FOXN3: variants seen among roughly 807,000 people sequenced by gnomAD.
FOXN3 encodes forkhead box N3.
A neutral mutation model predicts 38.4 loss-of-function variants in FOXN3; 7 were observed. The ratio of observed to expected loss-of-function variants is 0.18; its 90% CI spans 0.10 to 0.34. FOXN3 has a LOEUF of 0.34. FOXN3 is among the 10% of genes least tolerant of loss of function. The probability of loss-of-function intolerance (pLI) is 1.00; values close to 1 mark genes in which losing one functional copy is unlikely to be tolerated. For missense variants in FOXN3, 456 were observed against 613.4 expected (o/e 0.74, Z 2.71); for synonymous variants, 230 against 242.2 (o/e 0.95, Z 0.47).
At chr14:89,523,326 T>C (rs868742790) in intron 1 of FOXN3, among the ~76,000 whole-genome samples, 2 of 152,188 alleles carry the variant, frequency 1.3e-5, no homozygotes, top group African/African-American at 4.8e-5. Context: ...AGTAAGGATA[T>C]AGAAGACTTG....
rs183952228 is a variant in FOXN3, at chr14:89,552,350, A to G, written c.-15+66678T>C. 2.4e-4 allele frequency among the ~76,000 whole-genome samples: 37 copies of G among 152,364 alleles called. 1 individual carries two copies. The highest frequency in any genetic ancestry group is 2.4e-3 in the Admixed American group (37 of 15,298). On this transcript the variant is annotated intron_variant, in intron 1 of 6. Transcript: ENST00000345097. ...TGCAGTTCACATATGTGTCACCGTC[A>G]CGTGTATTATCTCTGACTTATACAT...
chr14:89,266,819 T>C (rs572008991), intron 4 of FOXN3, among the ~76,000 whole-genome samples: 142 of 152,302 alleles, frequency 9.3e-4, no homozygotes, highest in African/African-American at 3.2e-3. Context: ...TATGGTCAAC[T>C]GTGCACTTCT....
At chr14:89,533,628 C>T (rs1894620943) in intron 1 of FOXN3, among the ~76,000 whole-genome samples, 1 of 132,526 alleles carries the variant, frequency 7.5e-6, no homozygotes, top group Non-Finnish European at 1.5e-5. Flanking sequence ...CACCACTGCA[C>T]TCCAGCCTGG....
rs962084458 is a variant in FOXN3 at position 89,156,584 on chromosome 14, A to G, written c.*5830T>C. On this transcript the variant is annotated 3_prime_UTR_variant, in exon 6 of 6. Transcript: ENST00000557258. Reference sequence around the variant, plus strand: ...AGGTCTATTGGCCAGCCAAGGTCAGACGACCCTAAGCATCAATAGTAAACC... The same window carrying G: ...AGGTCTATTGGCCAGCCAAGGTCAGGCGACCCTAAGCATCAATAGTAAACC... 1.3e-5 allele frequency: 2 copies of G among 152,220 alleles called. No individual in the cohort carries two copies. The highest frequency in any genetic ancestry group is 2.4e-5 in the African/African-American group (1 of 41,436). The allele number at this position is 152,220 out of a possible 1,614,324, so 9.4% of individuals were successfully genotyped here.
intron 1 of FOXN3, among the ~76,000 whole-genome samples, chr14:89,514,107 T>C (rs1894155668): frequency 6.6e-6 from 1 of 151,836 alleles, no homozygotes; most frequent in African/African-American, 2.4e-5. Flanking sequence ...AAAGACAAGA[T>C]AATAAGGGGA....
At chr14:89,337,076 A>G (rs1294520546) in intron 3 of FOXN3, among the ~76,000 whole-genome samples, 2 of 152,172 alleles carry the variant, frequency 1.3e-5, no homozygotes, top group Admixed American at 1.3e-4. Context: ...GAGGTGCCCA[A>G]GAGAGGGGTC....
At chr14:89,511,165 CTTT>C (rs375568710) in intron 1 of FOXN3, among the ~76,000 whole-genome samples, 412 of 23,042 alleles carry the variant, frequency 0.018, 46 homozygotes, top group Non-Finnish European at 0.079. Flanking sequence ...TTCTTTCTTT[CTTT>C]CTTTCTTTCT....
At chr14:89,269,421 G>A (rs1373694600) in intron 4 of FOXN3, among the ~76,000 whole-genome samples, 1 of 151,956 alleles carries the variant, frequency 6.6e-6, no homozygotes, top group Non-Finnish European at 1.5e-5. Context: ...TGAAACCAAG[G>A]GGTTAATTTG....
At chr14:89,487,762 A>G (rs2139769391) in intron 1 of FOXN3, among the ~76,000 whole-genome samples, 1 of 152,266 alleles carries the variant, frequency 6.6e-6, no homozygotes, top group South Asian at 2.1e-4. Context: ...AAGCAACTCA[A>G]ATACTGGCAG....
intron 1 of FOXN3, among the ~76,000 whole-genome samples, chr14:89,551,241 A>C (rs1019807815): frequency 6.6e-6 from 1 of 152,180 alleles, no homozygotes; most frequent in African/African-American, 2.4e-5. Flanking sequence ...CATCCTTTAC[A>C]CGGGGCACCC....
intron 2 of FOXN3, among the ~76,000 whole-genome samples, chr14:89,375,502 T>C (rs1383088593): frequency 2.0e-5 from 3 of 152,192 alleles, no homozygotes; most frequent in South Asian, 2.1e-4. Flanking sequence ...CAAAGAAATA[T>C]TGTTTCAGCC....
chr14:89,333,757 A>AC (rs1440225996), intron 3 of FOXN3, among the ~76,000 whole-genome samples: 25,967 of 147,620 alleles, frequency 0.18, 3,060 homozygotes, highest in South Asian at 0.3. Flanking sequence ...ATTAAAAAAA[A>AC]AAAAAAAAAA....
chr14:89,583,373 T>C (rs905082256), intron 1 of FOXN3, among the ~76,000 whole-genome samples: 2 of 152,028 alleles, frequency 1.3e-5, no homozygotes, highest in African/African-American at 4.8e-5. Context: ...CTTTCAGGAG[T>C]AGGTTCTCTC....
chr14:89,568,014 G>A (rs73333070), intron 1 of FOXN3, among the ~76,000 whole-genome samples: 2,093 of 151,958 alleles, frequency 0.014, 35 homozygotes, highest in African/African-American at 0.047. Flanking sequence ...GAGCCATCGC[G>A]CCCGGCCAAA....
At chr14:89,528,585 G>GGACC (rs755816423) in intron 1 of FOXN3, among the ~76,000 whole-genome samples, 15 of 151,238 alleles carry the variant, frequency 9.9e-5, no homozygotes, top group Non-Finnish European at 3.0e-5. Flanking sequence ...TAGTAGAGAC[G>GGACC]GGGTTTCTCC....
intron 4 of FOXN3, among the ~76,000 whole-genome samples, chr14:89,195,589 C>T (rs1888077671): frequency 6.6e-6 from 1 of 152,044 alleles, no homozygotes; most frequent in South Asian, 2.1e-4. Context: ...GGGTAAAGGG[C>T]CCAGGACAAG....
At chr14:89,168,977 T>C (rs1172619110) in intron 5 of FOXN3, among the ~76,000 whole-genome samples, 29 of 152,362 alleles carry the variant, frequency 1.9e-4, no homozygotes, top group Non-Finnish European at 4.4e-5. Context: ...AATTTTATAT[T>C]CAGTAACACT....
chr14:89,227,656 T>G (rs1482831901), intron 4 of FOXN3, among the ~76,000 whole-genome samples: 1 of 152,166 alleles, frequency 6.6e-6, no homozygotes, highest in Non-Finnish European at 1.5e-5. Context: ...CAGATGGGAC[T>G]TGTAACTGCC....
At chr14:89,317,625 T>A (rs1887760026) in intron 3 of FOXN3, among the ~76,000 whole-genome samples, 1 of 152,022 alleles carries the variant, frequency 6.6e-6, no homozygotes, top group South Asian at 2.1e-4. Flanking sequence ...ATCCTGACAC[T>A]CCTCTTTCTC....
Sources: gnomAD v4.1 joint callset for allele counts (sites outside exome capture counted in the v4.1 genomes callset) on GRCh38, gnomAD v4.1.1 for gene constraint, MANE v1.5 for transcripts, NCBI Gene and HGNC (gene_info 2026-07-23, HGNC 2026-07-21) for gene names.